The following MALRD1 variants were observed in gnomAD, a reference collection of about 807,000 sequenced individuals.
MALRD1 encodes the protein MAM and LDL receptor class A domain containing 1.
In MALRD1, 247 loss-of-function variants were observed where a neutral mutation model predicts 242.1. The observed-to-expected ratio is 1.02, with a 90% confidence interval of 0.92 to 1.13. The LOEUF (loss-of-function observed/expected upper bound fraction) is 1.13. Among genes scored for constraint, MALRD1 ranks in the 50% most tolerant of loss-of-function variants. MALRD1 has a pLI of 0.00. For synonymous variants in MALRD1, 995 were observed against 866.6 expected (o/e 1.15, Z -2.60); for missense variants, 2,989 against 2,533.1 (o/e 1.18, Z -3.86).
chr10:19,585,788 G>C lies in MALRD1; in HGVS notation c.5681-9406G>C, dbSNP rs1483199575. Among the ~76,000 whole-genome samples, 13 of 152,160 alleles carry C rather than the reference G, an allele frequency of 8.5e-5. No homozygotes were observed. In the East Asian group the frequency reaches 2.5e-3, roughly 29 times the overall value. On this transcript the variant is annotated intron_variant, in intron 33 of 39. Coordinates refer to ENST00000454679, the MANE Select transcript of MALRD1 (RefSeq NM_001142308.3). ...ATGTTCGCCTGCCTTGCTAGATTGG[G>C]GAAGTTCTCCTGGATAATATCCTGC...
chr10:19,050,547 C>CT (rs2131194406), intron 1 of MALRD1, among the ~76,000 whole-genome samples: 1 of 152,188 alleles, frequency 6.6e-6, no homozygotes, highest in East Asian at 1.9e-4. Flanking sequence ...TACTGAAGAA[C>CT]TTTTTTCTCT....
chr10:19,208,984 T>C (rs537563581), intron 17 of MALRD1, among the ~76,000 whole-genome samples: 7 of 152,282 alleles, frequency 4.6e-5, no homozygotes, highest in Non-Finnish European at 8.8e-5. Flanking sequence ...CCTGGAGTTA[T>C]GGTCATAGAA....
At chr10:19,410,553 G>A (rs1254999887) in intron 28 of MALRD1, among the ~76,000 whole-genome samples, 1 of 152,106 alleles carries the variant, frequency 6.6e-6, no homozygotes, top group Non-Finnish European at 1.5e-5. Flanking sequence ...TGTGAACATT[G>A]TGCACTTCAG....
chr10:19,305,174 G>A (rs1265229118), intron 21 of MALRD1, among the ~76,000 whole-genome samples: 2 of 151,678 alleles, frequency 1.3e-5, no homozygotes, highest in South Asian at 2.1e-4. Context: ...AAAGCAAATC[G>A]TATCTATTTT....
intron 32 of MALRD1, among the ~76,000 whole-genome samples, chr10:19,533,993 G>A (rs763481876): frequency 1.3e-4 from 20 of 152,082 alleles, no homozygotes; most frequent in Non-Finnish European, 2.8e-4. Context: ...ACTAGGCTTG[G>A]GGCTGTTGGT....
rs1378471204 is a variant in MALRD1 at position 19,708,887 on chromosome 10, T to C, written c.6314+16333T>C. On this transcript the variant is annotated intron_variant, in intron 38 of 39. Coordinates refer to ENST00000454679, the MANE Select transcript of MALRD1 (RefSeq NM_001142308.3). Reference sequence around the variant, plus strand: ...ATGTTGGCCAAGATGGTCTTGGAACTCCTGACTTCAGGTGATCTGCCCGCC... The same window carrying C: ...ATGTTGGCCAAGATGGTCTTGGAACCCCTGACTTCAGGTGATCTGCCCGCC... 2.5e-5 allele frequency among the ~76,000 whole-genome samples: 3 copies of C among 121,456 alleles called. 1 individual carries two copies. Among genetic ancestry groups the C allele is most frequent in the Non-Finnish European group, 5.7e-5 (3 of 52,908 alleles). The allele number at this position is 121,456 out of a possible 152,430, so 79.7% of individuals were successfully genotyped here.
In MALRD1 at chr10:19,347,929, A is replaced by G. The variant is rs1027985505; in HGVS notation, c.4060A>G (p.Ile1354Val). 7 of 1,550,204 alleles carry G rather than the reference A, an allele frequency of 4.5e-6. No homozygotes were observed. The African/African-American group carries it at 6.8e-5, about 15-fold the overall frequency. The part of the protein sequence containing the change: ...HTLGNSSGHY[I>V]FIKSLFPQQP... ...TTTGGGAAATTCATCTGGTCATTAC[A>G]TCTTTATAAAGAGTTTGTTTCCTCA... Residue 1354 changes from isoleucine (I) to valine (V), a missense_variant, in exon 25 of 40, where the codon ATC becomes GTC. Physicochemically the swap from Ile to Val is conservative, Grantham distance 29. Transcript: ENST00000454679.
At chr10:19,639,456 C>T (rs576739784) in intron 36 of MALRD1, among the ~76,000 whole-genome samples, 2 of 152,284 alleles carry the variant, frequency 1.3e-5, no homozygotes, top group African/African-American at 2.4e-5. Flanking sequence ...AACATTTCCT[C>T]AGTTCACACC....
chr10:19,129,973 T>A (rs1438531344), intron 8 of MALRD1, among the ~76,000 whole-genome samples: 1 of 151,162 alleles, frequency 6.6e-6, no homozygotes, highest in Non-Finnish European at 1.5e-5. Flanking sequence ...CACACATCCA[T>A]ATACACACAT....
In MALRD1 at chr10:19,621,309, A is replaced by G. The variant is rs564118295; in HGVS notation, c.6137+5386A>G. 7.4e-4 allele frequency among the ~76,000 whole-genome samples: 111 copies of G among 149,514 alleles called. 1 individual carries two copies. The highest frequency in any genetic ancestry group is 2.4e-3 in the African/African-American group (100 of 41,018). The stretch of plus-strand genomic sequence containing the variant: ...GGATATTTGAAAACAAATACATGCA[A>G]CACTTTAATTTAAAATTTTAAAGTC... On this transcript the variant is annotated intron_variant, in intron 36 of 39. Transcript: ENST00000454679.
chr10:19,135,525 T>G (rs1833305975), intron 9 of MALRD1, among the ~76,000 whole-genome samples: 1 of 152,206 alleles, frequency 6.6e-6, no homozygotes, highest in Admixed American at 6.5e-5. Context: ...AAGTCAATTT[T>G]AATTCTTAGT....
chr10:19,465,497 T>C (rs968754045), intron 29 of MALRD1, among the ~76,000 whole-genome samples: 1 of 152,158 alleles, frequency 6.6e-6, no homozygotes, highest in African/African-American at 2.4e-5. Context: ...ATACTCTCTG[T>C]TGAGGTTGCT....
At chr10:19,603,674 C>T (rs536966892) in intron 34 of MALRD1, among the ~76,000 whole-genome samples, 39 of 152,188 alleles carry the variant, frequency 2.6e-4, no homozygotes, top group African/African-American at 7.9e-4. Context: ...CTTGGCAATG[C>T]GGGCCCTTTT....
intron 31 of MALRD1, among the ~76,000 whole-genome samples, chr10:19,524,491 G>A (rs537906689): frequency 2.0e-5 from 3 of 152,078 alleles, no homozygotes; most frequent in Non-Finnish European, 4.4e-5. Context: ...GCAGATGCAC[G>A]TTGGAAATCT....
At chr10:19,594,450 T>G (rs1837972371) in intron 33 of MALRD1, among the ~76,000 whole-genome samples, 1 of 152,254 alleles carries the variant, frequency 6.6e-6, no homozygotes, top group African/African-American at 2.4e-5. Flanking sequence ...GAACTAAAAG[T>G]TGAACTACCA....
chr10:19,573,827 A>C (rs1021597562), intron 33 of MALRD1, among the ~76,000 whole-genome samples: 14 of 152,232 alleles, frequency 9.2e-5, no homozygotes, highest in African/African-American at 2.9e-4. Context: ...AAATACAATA[A>C]ATAATGAGGT....
At chr10:19,059,625 C>CA (rs1834764264) in intron 1 of MALRD1, among the ~76,000 whole-genome samples, 1 of 152,034 alleles carries the variant, frequency 6.6e-6, no homozygotes, top group Non-Finnish European at 1.5e-5. Flanking sequence ...CTCCTGACCT[C>CA]AAGTGATCCG....
At chr10:19,134,059 C>A in intron 9 of MALRD1, 111 bp downstream of exon 9, 1 of 429,586 alleles carries the variant, frequency 2.3e-6, no homozygotes, top group Non-Finnish European at 3.8e-6. Context: ...GTTAGGGATG[C>A]GTGCTTGTAT....
At chr10:19,227,216 G>A (rs965162973) in intron 18 of MALRD1, among the ~76,000 whole-genome samples, 1 of 151,112 alleles carries the variant, frequency 6.6e-6, no homozygotes, top group African/African-American at 2.4e-5. Flanking sequence ...GAATAAAGTT[G>A]GAAAACTTTC....
Sources: allele counts gnomAD v4.1 joint callset (sites outside exome capture counted in the v4.1 genomes callset), GRCh38; gene constraint gnomAD v4.1.1; transcripts MANE v1.5; gene names NCBI Gene and HGNC (gene_info 2026-07-23, HGNC 2026-07-21).